Variants in HTRA4 observed in about 807,000 individuals in gnomAD.
HTRA4 encodes HtrA serine peptidase 4.
HTRA4 carries 46 observed loss-of-function variants against 49.1 expected under a neutral mutation model. The observed-to-expected ratio is 0.94, with a 90% CI of 0.74 to 1.20. HTRA4 has a LOEUF of 1.20. Among genes scored for constraint, HTRA4 ranks in the 50% most tolerant of loss-of-function variants. The pLI, the probability that HTRA4 is intolerant of heterozygous loss-of-function variation, is 0.00. For missense variants in HTRA4, 602 were observed against 636.9 expected (o/e 0.95, Z 0.59); for synonymous variants, 261 against 264.0 (o/e 0.99, Z 0.11).
intron 4 of HTRA4, 152 bp from the exon 5 acceptor site, chr8:38,979,063 T>G: frequency 1.4e-6 from 1 of 699,822 alleles, no homozygotes; most frequent in Non-Finnish European, 2.6e-6. Context: ...GACTTTGGTA[T>G]TGGTGATGAT....
rs55736573 is a variant in HTRA4, at chr8:38,977,946, C to T, written c.772-7C>T. The T allele has an allele frequency of 4.5e-3, 7,332 of 1,612,236 alleles. 322 individuals are homozygous for T. In the African/African-American group the frequency reaches 0.084, roughly 19 times the overall value. ...TGTCCTCCCCATCCCTTTTTGGGCA[C>T]GTGCAGGCTGAACTTCCTGTACTGA... is the stretch of plus-strand genomic sequence containing the variant. On this transcript the variant is annotated splice_polypyrimidine_tract_variant and splice_region_variant and intron_variant, in intron 3 of 8. Transcript: ENST00000302495.
intron 3 of HTRA4, among the ~76,000 whole-genome samples, chr8:38,977,213 G>C (rs758364239): frequency 3.3e-5 from 5 of 152,036 alleles, no homozygotes; most frequent in Non-Finnish European, 5.9e-5. Context: ...TGGGATTACA[G>C]GTGTGAGCCA....
chr8:38,974,693 G>T lies in HTRA4; in HGVS notation c.430G>T (p.Ala144Ser). The T allele has an allele frequency of 7.1e-7, 1 of 1,415,068 alleles. No homozygotes were observed. The highest frequency in any genetic ancestry group is 9.1e-7 in the Non-Finnish European group (1 of 1,095,488). The allele number at this position is 1,415,068 out of a possible 1,614,324, so 87.7% of individuals were successfully genotyped here. The stretch of plus-strand genomic sequence containing the variant: ...CGCGCGCCGCCTGGGCAAGGTCCCG[G>T]CCGTGCCTGTGCAGTGGGGGAACTG... ...RAARRLGKVP[A>S]VPVQWGNCGD... Residue 144 changes from alanine to serine, a missense_variant, in exon 1 of 9, where the codon GCC becomes TCC. Transcript: ENST00000302495.
intron 5 of HTRA4, among the ~76,000 whole-genome samples, chr8:38,981,078 T>TTTTTG (rs1564179031): frequency 1.1e-4 from 11 of 104,406 alleles, no homozygotes; most frequent in South Asian, 3.0e-4. Context: ...TTTTTTTTTT[T>TTTTTG]TTTTTTTTTT....
intron 6 of HTRA4, among the ~76,000 whole-genome samples, chr8:38,982,004 C>T (rs933577927): frequency 6.6e-6 from 1 of 151,988 alleles, no homozygotes; most frequent in African/African-American, 2.4e-5. Flanking sequence ...CCCACTGCCA[C>T]GCCCAGCTCA....
intron 8 of HTRA4, among the ~76,000 whole-genome samples, chr8:38,986,923 C>G (rs1835488374): frequency 6.6e-6 from 1 of 152,226 alleles, no homozygotes; most frequent in Non-Finnish European, 1.5e-5. Flanking sequence ...TAATAATTTG[C>G]AGGTTTCTTT....
chr8:38,978,124 G>A lies in HTRA4; in HGVS notation c.943G>A (p.Val315Ile), dbSNP rs1056292241. The change falls in exon 4 of 9, where the codon GTC (valine) becomes ATC (isoleucine). Residue 315 changes from valine to isoleucine, a missense_variant. By Grantham distance (29) the Val-to-Ile change is conservative (BLOSUM62 3). Coordinates refer to ENST00000302495, the MANE Select transcript of HTRA4 (RefSeq NM_153692.4). ...GATGAAGGATTCAGATATGGACTAC[G>A]TCCAGATTGATGCCACAATTAATGT... ...LGMKDSDMDY[V>I]QIDATINYGN... 1.1e-5 allele frequency: 17 copies of A among 1,613,418 alleles called. No homozygotes were observed. Among genetic ancestry groups the A allele is most frequent in the African/African-American group, 6.7e-5 (5 of 74,880 alleles).
At chr8:38,987,717 ATTT>A (rs765129718) in intron 8 of HTRA4, among the ~76,000 whole-genome samples, 14 of 152,312 alleles carry the variant, frequency 9.2e-5, no homozygotes, top group Non-Finnish European at 1.8e-4. Flanking sequence ...TAGGAAATTA[ATTT>A]TATAAAGGTA....
rs1835318711 is a variant in HTRA4 at position 38,974,579 on chromosome 8, T to G, written c.316T>G (p.Cys106Gly). The change falls in exon 1 of 9, where the codon TGC becomes GGC. Residue 106 changes from cysteine (C) to glycine (G), a missense_variant. Physicochemically the swap from Cys to Gly is radical, Grantham distance 159 (BLOSUM62 -3). Transcript: ENST00000302495. ...QPLRPGFPST[C>G]GCPTLGGAVC... ...GCTGCGCCCCGGGTTCCCCAGCACC[T>G]GCGGTTGCCCGACGCTGGGAGGGGC... 1 of 1,423,112 alleles carries G rather than the reference T, an allele frequency of 7.0e-7. No individual in the cohort carries two copies. The highest frequency in any genetic ancestry group is 3.0e-5 in the East Asian group (1 of 33,558). 88.2% of individuals were successfully genotyped at this position (1,423,112 alleles called of 1,614,324 possible). A position where few individuals can be genotyped will look rare whatever the true frequency, so the allele number is the denominator to read the frequency against.
At position 38,974,410 on chromosome 8, in the gene HTRA4, C is replaced by G. The variant is rs1355048038; in HGVS notation, c.147C>G (p.Cys49Trp). The change falls in exon 1 of 9, where the codon TGC (cysteine) becomes TGG (tryptophan). Residue 49 changes from cysteine (C) to tryptophan (W), a missense_variant. Coordinates refer to ENST00000302495, the MANE Select transcript of HTRA4 (RefSeq NM_153692.4). ...SCPAVCQPTR[C>W]PALPTCALGT... ...CCGCGGTCTGCCAGCCCACGCGCTGCCCCGCGCTGCCCACCTGCGCGCTGG... is the reference window on the plus strand; with the variant it reads ...CCGCGGTCTGCCAGCCCACGCGCTGGCCCGCGCTGCCCACCTGCGCGCTGG... 6.4e-7 allele frequency: 1 copy of G among 1,555,136 alleles called. No homozygotes were observed. The highest frequency in any genetic ancestry group is 8.7e-7 in the Non-Finnish European group (1 of 1,152,900).
chr8:38,980,041 C>G (rs1158818496), intron 5 of HTRA4, among the ~76,000 whole-genome samples: 1 of 152,244 alleles, frequency 6.6e-6, no homozygotes, highest in Non-Finnish European at 1.5e-5. Context: ...GAGCTGCCTG[C>G]CTTGGCCTCT....
rs560605138 is a variant in HTRA4 at position 38,983,040 on chromosome 8, T to G, written c.1260T>G (p.Ala420=). The change falls in exon 8 of 9, where the codon GCT becomes GCG. Residue 420 remains alanine (A), a synonymous_variant. Coordinates refer to ENST00000302495, the MANE Select transcript of HTRA4 (RefSeq NM_153692.4). ...TATGTAAAGTGGTTGAAGGAACAGC[T>G]GCTCAAAGGTAAGAGAAGTGAAGGC... The part of the protein sequence containing the change: ...VYVCKVVEGT[A]AQSSGLRDHD... The G allele has an allele frequency of 1.2e-6, 2 of 1,611,158 alleles. No individual in the cohort carries two copies. The highest frequency in any genetic ancestry group is 1.7e-6 in the Non-Finnish European group (2 of 1,177,628).
At chr8:38,982,421 CTGGGACA>C in intron 6 of HTRA4, 70 bp from the exon 7 acceptor site, 1 of 1,258,776 alleles carries the variant, frequency 7.9e-7, no homozygotes, top group South Asian at 1.2e-5. Context: ...CAAAGAGATC[CTGGGACA>C]TGGGTGTCTT....
chr8:38,987,779 T>G (rs1328714416), intron 8 of HTRA4, among the ~76,000 whole-genome samples, 157 bp from the exon 9 acceptor site: 1 of 152,206 alleles, frequency 6.6e-6, no homozygotes, highest in Non-Finnish European at 1.5e-5. Flanking sequence ...TATTTTAGAA[T>G]AGCTTTATGA....
At position 38,976,702 on chromosome 8, in the gene HTRA4, T is replaced by G. The variant is rs1210532633; in HGVS notation, c.734T>G (p.Leu245Arg). ...RYEAVVKDID[L>R]KLDLAVIKIE... The stretch of plus-strand genomic sequence containing the variant: ...GAAGCTGTTGTCAAGGATATTGACC[T>G]TAAATTGGATCTTGCGGTGATTAAG... The change falls in exon 3 of 9, where the codon CTT (leucine) becomes CGT (arginine). Residue 245 changes from leucine (L) to arginine (R), a missense_variant. By Grantham distance (102) the Leu-to-Arg change is moderately radical (BLOSUM62 -2). Transcript: ENST00000302495. The G allele has an allele frequency of 6.2e-7, 1 of 1,614,198 alleles. No homozygotes were observed. Among genetic ancestry groups the G allele is most frequent in the Non-Finnish European group, 8.5e-7 (1 of 1,180,034 alleles).
rs139559180 is a variant in HTRA4 at position 38,977,862 on chromosome 8, T to C, written c.772-91T>C. ...GGCCAAGGTGATAGAGACAGCGTCA[T>C]ATATGTGTTAGACACACACTTTGGT... On this transcript the variant is annotated intron_variant, in intron 3 of 8. Coordinates refer to ENST00000302495, the MANE Select transcript of HTRA4 (RefSeq NM_153692.4). 1,005 of 1,310,362 alleles carry C rather than the reference T, an allele frequency of 7.7e-4. 1 individual carries two copies. Among genetic ancestry groups the C allele is most frequent in the Non-Finnish European group, 1.0e-3 (930 of 926,110 alleles). The allele number at this position is 1,310,362 out of a possible 1,614,324, so 81.2% of individuals were successfully genotyped here. A position where few individuals can be genotyped will look rare whatever the true frequency, so the allele number is the denominator to read the frequency against.
At chr8:38,974,895 G>A (rs1393718830) in intron 1 of HTRA4, 136 bp from the exon 2 acceptor site, 25 of 1,207,036 alleles carry the variant, frequency 2.1e-5, no homozygotes, top group Non-Finnish European at 2.8e-5. Flanking sequence ...CTTAACAGGG[G>A]CTCTTTACCG....
At chr8:38,976,872 G>A (rs1241962436) in intron 3 of HTRA4, 133 bp downstream of exon 3, 56 of 826,662 alleles carry the variant, frequency 6.8e-5, no homozygotes, top group Non-Finnish European at 7.4e-5. Context: ...GTTTCTTTCT[G>A]TTCTTTACTC....
intron 5 of HTRA4, among the ~76,000 whole-genome samples, chr8:38,981,063 G>GTTTTTTTTTTTTT (rs71216700): frequency 2.7e-4 from 13 of 48,156 alleles, no homozygotes; most frequent in East Asian, 1.1e-3. Context: ...ATGAGCTTAA[G>GTTTTTTTTTTTTT]TTTTTTTTTT....
Sources: allele counts gnomAD v4.1 joint callset (sites outside exome capture counted in the v4.1 genomes callset), GRCh38; gene constraint gnomAD v4.1.1; transcripts MANE v1.5; gene names NCBI Gene and HGNC (gene_info 2026-07-23, HGNC 2026-07-21).